GRIN2A: variants seen among roughly 807,000 people sequenced by gnomAD.
GRIN2A encodes the protein glutamate ionotropic receptor NMDA type subunit 2A, also known as glutamate receptor ionotropic, NMDA 2A.
Under a neutral mutation model 113.4 loss-of-function variants are expected in GRIN2A, and 22 were observed. The ratio of observed to expected loss-of-function variants is 0.19; its 90% CI spans 0.14 to 0.28. The LOEUF (loss-of-function observed/expected upper bound fraction) is 0.28. Among genes scored for constraint, GRIN2A ranks in the 10% least tolerant of loss-of-function variants. The pLI, the probability that GRIN2A is intolerant of heterozygous loss-of-function variation, is 1.00. For missense variants in GRIN2A, 1,502 were observed against 1,887.0 expected (o/e 0.80, Z 3.78); for synonymous variants, 827 against 738.4 (o/e 1.12, Z -1.94).
intron 2 of GRIN2A, among the ~76,000 whole-genome samples, chr16:10,141,814 C>T (rs561804360): frequency 6.6e-6 from 1 of 152,166 alleles, no homozygotes; most frequent in African/African-American, 2.4e-5. Flanking sequence ...AAATGAGATA[C>T]CAGAGCTCAG....
At chr16:9,861,573 G>A (rs189313093) in intron 4 of GRIN2A, among the ~76,000 whole-genome samples, 4 of 152,308 alleles carry the variant, frequency 2.6e-5, no homozygotes, top group Middle Eastern at 3.4e-3. Context: ...AAAGATATCT[G>A]AGCCACTGCT....
intron 2 of GRIN2A, among the ~76,000 whole-genome samples, chr16:10,102,520 T>G (rs2048420123): frequency 6.6e-6 from 1 of 152,146 alleles, no homozygotes. Context: ...TGTTGGGTAT[T>G]TCTTTCTTCT....
intron 3 of GRIN2A, among the ~76,000 whole-genome samples, chr16:9,935,512 T>TCTCACACACACA (rs553803966): frequency 7.5e-6 from 1 of 132,836 alleles, no homozygotes; most frequent in Non-Finnish European, 1.6e-5. Context: ...GTCTACTTCA[T>TCTCACACACACA]CACACACACA....
In GRIN2A at chr16:9,759,365, G is replaced by C; in HGVS notation, c.*3784C>G. 4.5e-6 allele frequency: 1 copy of C among 224,582 alleles called. No individual in the cohort carries two copies. The allele number at this position is 224,582 out of a possible 1,614,324, so 13.9% of individuals were successfully genotyped here. ...AGGGCATTTGTCATTTCCTGTGAAG[G>C]ATGCAGAATATTAAATACACATCAG... is the stretch of plus-strand genomic sequence containing the variant. On this transcript the variant is annotated 3_prime_UTR_variant, in exon 13 of 13. Transcript: ENST00000330684.
At chr16:9,814,262 C>T (rs2042144512) in intron 10 of GRIN2A, among the ~76,000 whole-genome samples, 1 of 152,176 alleles carries the variant, frequency 6.6e-6, no homozygotes, top group Non-Finnish European at 1.5e-5. Flanking sequence ...GTGGCATTTC[C>T]AAGTGGGGAA....
chr16:9,990,547 G>A (rs1317019144), intron 2 of GRIN2A, among the ~76,000 whole-genome samples: 15 of 112,820 alleles, frequency 1.3e-4, no homozygotes, highest in South Asian at 6.1e-4. Flanking sequence ...CTCTCTACAC[G>A]CGCGCGCGCG....
intron 3 of GRIN2A, among the ~76,000 whole-genome samples, chr16:9,907,092 C>A (rs116440797): frequency 0.011 from 1,643 of 152,288 alleles, 27 homozygotes; most frequent in African/African-American, 0.038. Flanking sequence ...GGATTACAGG[C>A]ATGAATCACG....
intron 2 of GRIN2A, among the ~76,000 whole-genome samples, chr16:10,106,911 G>A (rs553502169): frequency 7.2e-5 from 11 of 152,262 alleles, no homozygotes; most frequent in African/African-American, 2.6e-4. Context: ...GAACATGCCA[G>A]AATAGACATT....
chr16:10,134,932 G>A (rs908370106), intron 2 of GRIN2A, among the ~76,000 whole-genome samples: 49 of 42,078 alleles, frequency 1.2e-3, no homozygotes, highest in East Asian at 3.0e-3. Context: ...TCTTTCCAAC[G>A]AACTAGCAAA....
chr16:9,924,126 A>AC (rs1248091586), intron 3 of GRIN2A, among the ~76,000 whole-genome samples: 2 of 151,040 alleles, frequency 1.3e-5, no homozygotes, highest in African/African-American at 2.4e-5. Context: ...AAAAAAAAAA[A>AC]AAAAAAAAAA....
chr16:9,993,719 C>A (rs2046170641), intron 2 of GRIN2A, among the ~76,000 whole-genome samples: 1 of 152,130 alleles, frequency 6.6e-6, no homozygotes, highest in African/African-American at 2.4e-5. Context: ...CCCAAAGTCA[C>A]CCAAAAACTC....
chr16:9,902,842 C>A (rs2043955218), intron 3 of GRIN2A, among the ~76,000 whole-genome samples: 1 of 151,884 alleles, frequency 6.6e-6, no homozygotes, highest in South Asian at 2.1e-4. Context: ...CTGCCTCATC[C>A]TCTTCAGTCT....
At chr16:9,876,772 C>T (rs994631281) in intron 4 of GRIN2A, among the ~76,000 whole-genome samples, 6 of 152,102 alleles carry the variant, frequency 3.9e-5, no homozygotes, top group South Asian at 4.1e-4. Context: ...GGATGAATTA[C>T]GGTTGGTCTG....
intron 2 of GRIN2A, among the ~76,000 whole-genome samples, chr16:10,104,269 C>A (rs1425380567): frequency 6.6e-6 from 1 of 152,076 alleles, no homozygotes; most frequent in Non-Finnish European, 1.5e-5. Context: ...GGATTCTGGC[C>A]AGGAGAGAAA....
At chr16:10,051,589 G>T (rs565500258) in intron 2 of GRIN2A, among the ~76,000 whole-genome samples, 7 of 152,324 alleles carry the variant, frequency 4.6e-5, no homozygotes, top group African/African-American at 1.7e-4. Flanking sequence ...GCATGTGTGT[G>T]TCTGAGGGGG....
rs886687442 is a variant in GRIN2A at position 10,088,264 on chromosome 16, G to A, written c.414+91734C>T. Among the ~76,000 whole-genome samples the A allele has an allele frequency of 3.9e-5, 6 of 152,038 alleles. No individual in the cohort carries two copies. In the East Asian group the frequency reaches 9.7e-4, roughly 24 times the overall value. ...TCCTAAAGTCGATTTCCTAAGCTTC[G>A]GCCTGGAAATACTGCCAACATAGAC... is the stretch of plus-strand genomic sequence containing the variant. On this transcript the variant is annotated intron_variant, in intron 2 of 12. Transcript: ENST00000330684.
At chr16:10,016,103 T>G (rs1424403551) in intron 2 of GRIN2A, among the ~76,000 whole-genome samples, 5 of 97,952 alleles carry the variant, frequency 5.1e-5, no homozygotes, top group African/African-American at 8.9e-5. Flanking sequence ...GTGACAAGAG[T>G]GAAACTCCAT....
At chr16:9,993,459 G>A (rs558672962) in intron 2 of GRIN2A, among the ~76,000 whole-genome samples, 2 of 152,192 alleles carry the variant, frequency 1.3e-5, no homozygotes, top group South Asian at 4.1e-4. Context: ...GGAAGGCAGA[G>A]GCAGGAGGAT....
intron 2 of GRIN2A, among the ~76,000 whole-genome samples, chr16:9,980,516 T>C (rs1479855054): frequency 6.6e-6 from 1 of 152,162 alleles, no homozygotes; most frequent in African/African-American, 2.4e-5. Flanking sequence ...TAAATCATGC[T>C]GCTATAAAGA....
Sources: allele counts gnomAD v4.1 joint callset (sites outside exome capture counted in the v4.1 genomes callset), GRCh38; gene constraint gnomAD v4.1.1; transcripts MANE v1.5; gene names NCBI Gene and HGNC (gene_info 2026-07-23, HGNC 2026-07-21).